The following ALDH3B1 variants were observed in gnomAD, a reference collection of about 807,000 sequenced individuals.
ALDH3B1 encodes the protein aldehyde dehydrogenase 3 family member B1, also known as aldehyde dehydrogenase family 3 member B1.
In ALDH3B1, 37 loss-of-function variants were observed where a neutral mutation model predicts 46.2. The observed-to-expected ratio is 0.80, with a 90% CI of 0.62 to 1.05. ALDH3B1 has a LOEUF of 1.05. ALDH3B1 is among the 50% of genes least tolerant of loss of function. The probability of loss-of-function intolerance (pLI) is 0.00; values close to 1 mark genes in which losing one functional copy is unlikely to be tolerated. For synonymous variants in ALDH3B1, 283 were observed against 281.0 expected (o/e 1.01, Z -0.07); for missense variants, 603 against 665.5 (o/e 0.91, Z 1.03).
intron 6 of ALDH3B1, among the ~76,000 whole-genome samples, chr11:68,020,986 G>C (rs557642769): frequency 6.6e-6 from 1 of 152,300 alleles, no homozygotes; most frequent in Non-Finnish European, 1.5e-5. Flanking sequence ...ATCAGCCTGG[G>C]ACAGTCCACC....
intron 9 of ALDH3B1, among the ~76,000 whole-genome samples, chr11:68,027,089 C>G (rs1025556394): frequency 1.3e-5 from 2 of 152,138 alleles, no homozygotes; most frequent in Admixed American, 6.5e-5. Context: ...CCGGCTTCCC[C>G]ACCTGCTGCT....
chr11:68,026,164 T>TA (rs1211747160), intron 9 of ALDH3B1, 56 bp downstream of exon 9: 20 of 1,408,218 alleles, frequency 1.4e-5, no homozygotes, highest in Non-Finnish European at 1.9e-5. Context: ...GCAATAGTGT[T>TA]ACCTGCATAC....
Position 68,019,755 on chromosome 11 carries a change from G to C in ALDH3B1, c.521G>C (p.Gly174Ala), listed in dbSNP as rs1447527003. 2 of 1,614,164 alleles carry C rather than the reference G, an allele frequency of 1.2e-6. No homozygotes were observed. The highest frequency in any genetic ancestry group is 8.5e-7 in the Non-Finnish European group (1 of 1,179,982). ...GTGCTGGGCGGGCCCCAGGAGACGGGGCAGCTGCTAGAGCACAGGTTCGAC... is the reference window on the plus strand; with the variant it reads ...GTGCTGGGCGGGCCCCAGGAGACGGCGCAGCTGCTAGAGCACAGGTTCGAC... ...AVVLGGPQET[G>A]QLLEHRFDYI... The change falls in exon 6 of 10, where the codon GGG (glycine) becomes GCG (alanine). Residue 174 changes from glycine to alanine, a missense_variant. Coordinates refer to ENST00000342456, the MANE Select transcript of ALDH3B1 (RefSeq NM_000694.4).
At chr11:68,019,351 C>A in intron 5 of ALDH3B1, 96 bp downstream of exon 5, 1 of 1,054,808 alleles carries the variant, frequency 9.5e-7, no homozygotes, top group Non-Finnish European at 1.4e-6. Flanking sequence ...AGACCCGAGT[C>A]CCCACCTCAA....
intron 8 of ALDH3B1, chr11:68,024,815 T>A (rs1436743480): frequency 6.6e-6 from 1 of 152,230 alleles, no homozygotes; most frequent in Non-Finnish European, 1.5e-5. Context: ...TTTATTTAGG[T>A]CACTACGGAC....
At chr11:68,018,344 C>G (rs1290214636) in intron 2 of ALDH3B1, 183 bp from the exon 3 acceptor site, 3 of 596,888 alleles carry the variant, frequency 5.0e-6, no homozygotes, top group East Asian at 5.9e-5. Context: ...GGGCCGGTCC[C>G]TCTGTTTGGC....
At chr11:68,015,641 A>G (rs1027574864) in intron 2 of ALDH3B1, 182 bp downstream of exon 2, 1 of 826,314 alleles carries the variant, frequency 1.2e-6, no homozygotes, top group Admixed American at 2.0e-5. Flanking sequence ...TTCATGCAGC[A>G]ACTATTTGCT....
rs1314326438 is a variant in ALDH3B1 at position 68,024,240 on chromosome 11, ACAC to A, written c.1116+1483_1116+1485del. ...TCCCACAGAGGTGAGCCTGCCTCTC[ACAC>A]CACATCTGGGGCACCTGAGATGCAC... On this transcript the variant is annotated intron_variant, in intron 8 of 9. Transcript: ENST00000342456. 7 of 152,334 alleles carry A rather than the reference ACAC, an allele frequency of 4.6e-5. No individual in the cohort carries two copies. The East Asian group carries it at 9.6e-4, about 21-fold the overall frequency. The allele number at this position is 152,334 out of a possible 1,614,324, so 9.4% of individuals were successfully genotyped here. A position where few individuals can be genotyped will look rare whatever the true frequency, so the allele number is the denominator to read the frequency against.
At chr11:68,010,908 A>AGCCCC (rs1286752127) in intron 1 of ALDH3B1, among the ~76,000 whole-genome samples, 1 of 152,190 alleles carries the variant, frequency 6.6e-6, no homozygotes, top group Non-Finnish European at 1.5e-5. Context: ...GTGGCCAGCC[A>AGCCCC]GCCCCGCCCC....
intron 7 of ALDH3B1, 120 bp downstream of exon 7, chr11:68,021,991 G>C (rs1186872590): frequency 6.8e-7 from 1 of 1,474,938 alleles, no homozygotes; most frequent in Non-Finnish European, 9.0e-7. Context: ...GCCAGAGCCC[G>C]GCCTTGAGCC....
intron 6 of ALDH3B1, among the ~76,000 whole-genome samples, chr11:68,020,447 C>G (rs1354933617): frequency 6.6e-6 from 1 of 152,012 alleles, no homozygotes; most frequent in African/African-American, 2.4e-5. Context: ...GTTGCTCAGG[C>G]TGGTCTCGAA....
At chr11:68,013,129 T>C (rs778902501) in intron 1 of ALDH3B1, among the ~76,000 whole-genome samples, 7 of 151,832 alleles carry the variant, frequency 4.6e-5, no homozygotes, top group Non-Finnish European at 1.0e-4. Flanking sequence ...AGGCCCAGGA[T>C]CCCCCCAATC....
Position 68,028,192 on chromosome 11 carries a change from C to T in ALDH3B1, c.*253C>T, listed in dbSNP as rs190665404. 2.5e-5 allele frequency: 17 copies of T among 676,030 alleles called. No homozygotes were observed. The highest frequency in any genetic ancestry group is 1.0e-4 in the Admixed American group (5 of 49,884). 41.9% of individuals were successfully genotyped at this position (676,030 alleles called of 1,614,324 possible). A position where few individuals can be genotyped will look rare whatever the true frequency, so the allele number is the denominator to read the frequency against. On this transcript the variant is annotated 3_prime_UTR_variant, in exon 10 of 10. Transcript: ENST00000342456. ...AGTGCAGTGACTCACCCCCTGCCCC[C>T]GCACCAACCACCCATATTCAGGAGA...
chr11:68,015,225 T>G, intron 1 of ALDH3B1, 72 bp from the exon 2 acceptor site: 5 of 1,430,268 alleles, frequency 3.5e-6, no homozygotes, highest in Non-Finnish European at 4.6e-6. Context: ...GCCCAGACCC[T>G]GGGGCGGCTG....
intron 6 of ALDH3B1, among the ~76,000 whole-genome samples, chr11:68,020,833 C>A (rs374245562): frequency 2.0e-5 from 3 of 152,166 alleles, no homozygotes; most frequent in African/African-American, 7.2e-5. Context: ...GCGTGGTCCC[C>A]GAGTCAGGTC....
Position 68,028,081 on chromosome 11 carries a change from C to G in ALDH3B1, c.*142C>G, listed in dbSNP as rs1326799759. Reference sequence around the variant, plus strand: ...CCCCTCAAAGCAGCGCCTGCCTCCTCCCTCCTGGGTCTTCCCTCTCCCTGC... The same window carrying G: ...CCCCTCAAAGCAGCGCCTGCCTCCTGCCTCCTGGGTCTTCCCTCTCCCTGC... On this transcript the variant is annotated 3_prime_UTR_variant, in exon 10 of 10. Coordinates refer to ENST00000342456, the MANE Select transcript of ALDH3B1 (RefSeq NM_000694.4). 1 of 1,116,966 alleles carries G rather than the reference C, an allele frequency of 9.0e-7. No homozygotes were observed. The highest frequency in any genetic ancestry group is 1.3e-6 in the Non-Finnish European group (1 of 741,048). The allele number at this position is 1,116,966 out of a possible 1,614,324, so 69.2% of individuals were successfully genotyped here. A position where few individuals can be genotyped will look rare whatever the true frequency, so the allele number is the denominator to read the frequency against.
At chr11:68,015,780 G>C (rs1590773311) in intron 2 of ALDH3B1, 1 of 445,736 alleles carries the variant, frequency 2.2e-6, no homozygotes, top group Non-Finnish European at 4.4e-6. Context: ...TAATTGCACA[G>C]CAAGGCCGGG....
intron 6 of ALDH3B1, among the ~76,000 whole-genome samples, chr11:68,020,239 T>C (rs2134391702): frequency 6.6e-6 from 1 of 152,028 alleles, no homozygotes; most frequent in South Asian, 2.1e-4. Flanking sequence ...TTTTTTTTCT[T>C]TTTTTTTGAG....
At chr11:68,010,070 T>C (rs1342440006), upstream of ALDH3B1, among the ~76,000 whole-genome samples, 6 of 152,134 alleles carry the variant, frequency 3.9e-5, no homozygotes. Flanking sequence ...TGCTCAGCCC[T>C]GCTGCACAGC....
Sources: gnomAD v4.1 joint callset for allele counts (sites outside exome capture counted in the v4.1 genomes callset) on GRCh38, gnomAD v4.1.1 for gene constraint, MANE v1.5 for transcripts, NCBI Gene and HGNC (gene_info 2026-07-23, HGNC 2026-07-21) for gene names.